AKAIN1: variants seen among roughly 807,000 people sequenced by gnomAD.
AKAIN1 encodes A-kinase anchor protein inhibitor 1.
AKAIN1 carries 3 observed loss-of-function variants against 3.7 expected under a neutral mutation model. The ratio of observed to expected loss-of-function variants is 0.82; its 90% CI spans 0.37 to 2.12. AKAIN1 has a LOEUF of 2.12. Ranked by LOEUF, AKAIN1 falls within the 30% of genes most tolerant of loss-of-function variation. The probability of loss-of-function intolerance (pLI) is 0.06; values close to 1 mark genes in which losing one functional copy is unlikely to be tolerated. For synonymous variants in AKAIN1, 31 were observed against 30.8 expected, an observed-to-expected ratio of 1.01 and a Z score of -0.02; for missense variants, 82 against 82.7, an observed-to-expected ratio of 0.99 and a Z score of 0.03.
At chr18:5,145,855 T>G in intron 1 of AKAIN1, 100 bp from the exon 2 acceptor site, 1 of 995,880 alleles carries the variant, frequency 1.0e-6, no homozygotes, top group Non-Finnish European at 1.5e-6. Context: ...AGAGTGAGAC[T>G]GTAAGAACAC....
chr18:5,186,810 A>G (rs1031670293), intron 1 of AKAIN1, among the ~76,000 whole-genome samples: 2 of 152,128 alleles, frequency 1.3e-5, no homozygotes, highest in Non-Finnish European at 2.9e-5. Flanking sequence ...ACCTTACCAA[A>G]TTTAAAACAA....
At chr18:5,160,639 T>C (rs148230566) in intron 1 of AKAIN1, among the ~76,000 whole-genome samples, 38 of 152,310 alleles carry the variant, frequency 2.5e-4, no homozygotes, top group African/African-American at 8.2e-4. Context: ...TGTCCTGAGA[T>C]CATGAAGTTG....
chr18:5,189,520 A>C (rs943788612), intron 1 of AKAIN1, among the ~76,000 whole-genome samples: 7 of 152,128 alleles, frequency 4.6e-5, no homozygotes, highest in Admixed American at 2.0e-4. Context: ...TAACCATGCC[A>C]GATATCCTAA....
At chr18:5,194,812 CT>C (rs2071338819) in intron 1 of AKAIN1, among the ~76,000 whole-genome samples, 1 of 152,156 alleles carries the variant, frequency 6.6e-6, no homozygotes, top group South Asian at 2.1e-4. Context: ...GCACATGACC[CT>C]GTTTCTTCCC....
chr18:5,193,035 GAC>G (rs567343210), intron 1 of AKAIN1, among the ~76,000 whole-genome samples: 4 of 152,266 alleles, frequency 2.6e-5, no homozygotes, highest in Admixed American at 2.0e-4. Context: ...TCACAGTTAT[GAC>G]AGTCAGATAT....
chr18:5,197,635 C>A (rs111990529), upstream of AKAIN1: 16,863 of 424,746 alleles, frequency 0.04, 432 homozygotes, highest in Non-Finnish European at 0.052. The surrounding 1 kb of genome is among the most constrained non-coding windows in gnomAD (Gnocchi z 6.9). Flanking sequence ...TCCTCTCTCG[C>A]GAGTCCCAGT....
rs576352675 is a variant in AKAIN1, at chr18:5,173,632, T to C, written c.16+23406A>G. Reference sequence around the variant, plus strand: ...GCACTAGCCTAGGTGTGGCGCATAATGATTGACTAATAAATAATTAATATG... The same window carrying C: ...GCACTAGCCTAGGTGTGGCGCATAACGATTGACTAATAAATAATTAATATG... On this transcript the variant is annotated intron_variant, in intron 1 of 1. Coordinates refer to ENST00000434239, the MANE Select transcript of AKAIN1 (RefSeq NM_001145194.2). Among the ~76,000 whole-genome samples the C allele has an allele frequency of 3.9e-5, 6 of 152,290 alleles. No homozygotes were observed. In the East Asian group the frequency reaches 1.2e-3, roughly 29 times the overall value.
intron 1 of AKAIN1, among the ~76,000 whole-genome samples, chr18:5,177,623 T>A (rs528464754): frequency 2.6e-5 from 4 of 152,246 alleles, no homozygotes; most frequent in Non-Finnish European, 4.4e-5. Context: ...TTAAATAACA[T>A]TAAATATTTA....
chr18:5,187,200 A>G (rs552063637), intron 1 of AKAIN1, among the ~76,000 whole-genome samples: 1 of 152,304 alleles, frequency 6.6e-6, no homozygotes, highest in South Asian at 2.1e-4. Context: ...AATCAACAAA[A>G]TTGAAAACAG....
chr18:5,161,940 A>G (rs2071141771), intron 1 of AKAIN1, among the ~76,000 whole-genome samples: 2 of 152,098 alleles, frequency 1.3e-5, no homozygotes, highest in African/African-American at 2.4e-5. Flanking sequence ...GCCACATGCA[A>G]ACGAAGGGAA....
At chr18:5,167,830 G>A (rs1292502980) in intron 1 of AKAIN1, among the ~76,000 whole-genome samples, 1 of 152,030 alleles carries the variant, frequency 6.6e-6, no homozygotes, top group Non-Finnish European at 1.5e-5. Flanking sequence ...AGTAAAATCA[G>A]TGCTGCCTTT....
At chr18:5,156,671 G>A (rs1319466666) in intron 1 of AKAIN1, among the ~76,000 whole-genome samples, 1 of 152,130 alleles carries the variant, frequency 6.6e-6, no homozygotes, top group Non-Finnish European at 1.5e-5. Flanking sequence ...TCCATATTCA[G>A]CACATTTGAA....
intron 1 of AKAIN1, among the ~76,000 whole-genome samples, chr18:5,147,050 T>G (rs924187929): frequency 3.3e-5 from 5 of 152,200 alleles, no homozygotes; most frequent in Non-Finnish European, 7.3e-5. Flanking sequence ...GTTCATTTAG[T>G]AAAAATTCTG....
At chr18:5,180,418 T>G (rs2071251297) in intron 1 of AKAIN1, among the ~76,000 whole-genome samples, 1 of 152,020 alleles carries the variant, frequency 6.6e-6, no homozygotes, top group African/African-American at 2.4e-5. Flanking sequence ...TGCCCCTGTC[T>G]AAGGCAGGTA....
intron 1 of AKAIN1, among the ~76,000 whole-genome samples, chr18:5,193,539 T>A (rs1487454689): frequency 2.6e-5 from 4 of 152,214 alleles, no homozygotes; most frequent in Non-Finnish European, 4.4e-5. Flanking sequence ...AACCTGATTG[T>A]TCAGAGTCTG....
chr18:5,171,161 C>T (rs908331601), intron 1 of AKAIN1: 1 of 152,166 alleles, frequency 6.6e-6, no homozygotes, highest in Admixed American at 6.6e-5. Context: ...GTAGTATTTT[C>T]TCTTCATTTT....
intron 1 of AKAIN1, chr18:5,163,730 T>C (rs2071152549): frequency 6.6e-6 from 1 of 152,038 alleles, no homozygotes; most frequent in Admixed American, 6.6e-5. Flanking sequence ...AGGACTGAAT[T>C]GAAATGGCTT....
intron 1 of AKAIN1, among the ~76,000 whole-genome samples, chr18:5,183,411 A>G (rs1243057895): frequency 1.3e-5 from 2 of 152,094 alleles, no homozygotes; most frequent in Non-Finnish European, 2.9e-5. Context: ...TATGCTTTCT[A>G]AAATTTCTGA....
intron 1 of AKAIN1, among the ~76,000 whole-genome samples, 199 bp from the exon 2 acceptor site, chr18:5,145,954 C>A (rs1056956836): frequency 1.3e-5 from 2 of 152,140 alleles, no homozygotes; most frequent in Non-Finnish European, 2.9e-5. Context: ...ATACCAAAGT[C>A]CTTGATAGAA....
Sources: allele counts gnomAD v4.1 joint callset (sites outside exome capture counted in the v4.1 genomes callset), GRCh38; gene constraint gnomAD v4.1.1; non-coding constraint Gnocchi (gnomAD v3.1); transcripts MANE v1.5; gene names NCBI Gene and HGNC (gene_info 2026-07-23, HGNC 2026-07-21).